PHYKPL: variants seen among roughly 807,000 people sequenced by gnomAD.
The protein encoded by PHYKPL is 5-phosphonooxy-L-lysine phospho-lyase.
Under a neutral mutation model 51.3 loss-of-function variants are expected in PHYKPL, and 42 were observed. The ratio of observed to expected loss-of-function variants is 0.82; its 90% CI spans 0.64 to 1.06. The LOEUF (loss-of-function observed/expected upper bound fraction) is 1.06. Among genes scored for constraint, PHYKPL ranks in the 50% least tolerant of loss-of-function variants. The pLI is 0.00. For synonymous variants in PHYKPL, 264 were observed against 236.0 expected (o/e 1.12, Z -1.09); for missense variants, 655 against 586.6 (o/e 1.12, Z -1.20).
intron 11 of PHYKPL, among the ~76,000 whole-genome samples, chr5:178,212,728 G>C (rs1202631455): frequency 6.6e-6 from 1 of 152,244 alleles, no homozygotes; most frequent in African/African-American, 2.4e-5. Flanking sequence ...TCTGATGCCT[G>C]CTCAGGCAGG....
At chr5:178,209,242 ATTTGATG>A in intron 12 of PHYKPL, 2 of 1,025,896 alleles carry the variant, frequency 1.9e-6, no homozygotes, top group East Asian at 4.8e-5. Context: ...CTGATCCACC[ATTTGATG>A]TTTGTCGCAG....
At chr5:178,208,115 C>A (rs1219956743), downstream of PHYKPL, among the ~76,000 whole-genome samples, 1 of 152,176 alleles carries the variant, frequency 6.6e-6, no homozygotes, top group East Asian at 1.9e-4. Flanking sequence ...TGTAGCTCTT[C>A]CCCTCCTGAA....
intron 3 of PHYKPL, chr5:178,225,698 C>T: frequency 2.1e-6 from 1 of 484,774 alleles, no homozygotes. Context: ...AAACCCAAAC[C>T]ATTGTTTTTC....
rs10079902 is a variant in PHYKPL at position 178,225,555 on chromosome 5, G to A, written c.339-126C>T. The A allele has an allele frequency of 6.8e-6, 6 of 879,294 alleles. No homozygotes were observed. The African/African-American group carries it at 8.3e-5, about 12-fold the overall frequency. 54.5% of individuals were successfully genotyped at this position (879,294 alleles called of 1,614,324 possible). A position where few individuals can be genotyped will look rare whatever the true frequency, so the allele number is the denominator to read the frequency against. ...CAGGACATCAACTAGTCAGTCACTT[G>A]CTTGTTTGTTTGGTATATATCAAAT... On this transcript the variant is annotated intron_variant, in intron 3 of 12. Transcript: ENST00000308158.
At chr5:178,231,207 C>T (rs180824097) in intron 2 of PHYKPL, among the ~76,000 whole-genome samples, 198 bp downstream of exon 2, 1 of 152,220 alleles carries the variant, frequency 6.6e-6, no homozygotes, top group East Asian at 1.9e-4. Flanking sequence ...AGATTGCTGA[C>T]CCCTGCCTGG....
chr5:178,209,999 A>T (rs1757695272), intron 12 of PHYKPL: 2 of 1,283,992 alleles, frequency 1.6e-6, no homozygotes, highest in South Asian at 2.9e-5. Context: ...CTTATACACC[A>T]GAACAGCAGC....
At chr5:178,215,657 G>A in intron 8 of PHYKPL, 3 of 553,036 alleles carry the variant, frequency 5.4e-6, no homozygotes, top group Non-Finnish European at 6.3e-6. Flanking sequence ...AGGTATCCCT[G>A]AAGTACAGTA....
intron 12 of PHYKPL, 109 bp downstream of exon 12, chr5:178,211,781 C>A: frequency 2.8e-6 from 2 of 706,656 alleles, no homozygotes; most frequent in South Asian, 1.8e-5. Context: ...GAGCATCAGT[C>A]AGAACAAAAA....
intron 12 of PHYKPL, chr5:178,211,303 T>C (rs1027380603): frequency 1.3e-5 from 2 of 153,678 alleles, no homozygotes; most frequent in African/African-American, 4.8e-5. Context: ...TGTGGGGGTA[T>C]CCTTTAAGGA....
At chr5:178,215,223 T>A in intron 9 of PHYKPL, 53 bp downstream of exon 9, 1 of 1,611,474 alleles carries the variant, frequency 6.2e-7, no homozygotes, top group Non-Finnish European at 8.5e-7. Flanking sequence ...AAGAAAATGG[T>A]ACCACACTGG....
chr5:178,232,161 AGGG>A, intron 1 of PHYKPL: 1 of 1,210,006 alleles, frequency 8.3e-7, no homozygotes, highest in African/African-American at 1.6e-5. Flanking sequence ...CTCAGGCGCC[AGGG>A]TGAAGGTCTT....
At chr5:178,209,354 A>G (rs1277268001) in intron 12 of PHYKPL, 1 of 1,614,124 alleles carries the variant, frequency 6.2e-7, no homozygotes, top group Non-Finnish European at 8.5e-7. Context: ...GGCCCAGCCC[A>G]AAGAAGTCTA....
In PHYKPL at chr5:178,221,028, A is replaced by G. The variant is rs542525058; in HGVS notation, c.927+1327T>C. ...AGGCAACAAGAGGGAATTGGGGGGA[A>G]CATCTGGAGAGATACATGATATTAT... On this transcript the variant is annotated intron_variant, in intron 8 of 12. Transcript: ENST00000308158. Among the ~76,000 whole-genome samples the G allele has an allele frequency of 3.3e-5, 5 of 152,312 alleles. 1 individual carries two copies. Among genetic ancestry groups the G allele is most frequent in the African/African-American group, 9.6e-5 (4 of 41,556 alleles).
At chr5:178,209,195 T>TC in intron 12 of PHYKPL, 1 of 752,730 alleles carries the variant, frequency 1.3e-6, no homozygotes, top group South Asian at 1.6e-5. Flanking sequence ...AAAGGTGGCC[T>TC]CCCATACTAG....
At chr5:178,210,451 TGCTGTCACG>T (rs1396702113) in intron 12 of PHYKPL, 5 of 1,489,236 alleles carry the variant, frequency 3.4e-6, no homozygotes, top group Middle Eastern at 1.7e-4. Context: ...AGGCAGTCTC[TGCTGTCACG>T]GCTGGTGAGG....
At chr5:178,209,311 C>T in intron 12 of PHYKPL, 1 of 1,607,480 alleles carries the variant, frequency 6.2e-7, no homozygotes, top group Non-Finnish European at 8.5e-7. Context: ...GGCCTGACCA[C>T]TGTCCTCTTG....
At chr5:178,230,285 C>T in intron 2 of PHYKPL, 186 bp from the exon 3 acceptor site, 3 of 654,804 alleles carry the variant, frequency 4.6e-6, no homozygotes, top group Non-Finnish European at 2.5e-6. Context: ...TCCAGGAGTT[C>T]CTGAGATTCT....
In PHYKPL at chr5:178,222,560, C is replaced by A. The variant is rs779108954; in HGVS notation, c.722G>T (p.Gly241Val). Reference protein sequence around the residue: ...QVAEHIRKAGGVFVADEIQVG... With the variant: ...QVAEHIRKAGVVFVADEIQVG... The stretch of plus-strand genomic sequence containing the variant: ...CTGGATCTCATCTGCAACAAAGACC[C>A]CTCCGGCCTTGCGGATGTGCCTGTG... The change falls in exon 8 of 13, where the codon GGG (glycine) becomes GTG (valine). Residue 241 changes from glycine (G) to valine (V), a missense_variant. Physicochemically the swap from Gly to Val is moderately radical, Grantham distance 109. Transcript: ENST00000308158. 94 of 1,614,070 alleles carry A rather than the reference C, an allele frequency of 5.8e-5. No homozygotes were observed. The Middle Eastern group carries it at 8.2e-4, about 14-fold the overall frequency.
intron 3 of PHYKPL, among the ~76,000 whole-genome samples, chr5:178,226,984 G>T (rs1762421712): frequency 6.6e-6 from 1 of 152,104 alleles, no homozygotes; most frequent in Non-Finnish European, 1.5e-5. Context: ...CAAAAAAGAA[G>T]AAGTGATCAT....
Sources: allele counts gnomAD v4.1 joint callset (sites outside exome capture counted in the v4.1 genomes callset), GRCh38; gene constraint gnomAD v4.1.1; transcripts MANE v1.5; gene names NCBI Gene and HGNC (gene_info 2026-07-23, HGNC 2026-07-21).